Variants in NINL observed in about 807,000 individuals in gnomAD.
NINL encodes the protein ninein-like protein.
In NINL, 153 loss-of-function variants were observed where a neutral mutation model predicts 160.3. The ratio of observed to expected loss-of-function variants is 0.95; its 90% CI spans 0.84 to 1.09. NINL has a LOEUF of 1.09. NINL is among the 50% of genes least tolerant of loss of function. The pLI, the probability that NINL is intolerant of heterozygous loss-of-function variation, is 0.00. For synonymous variants in NINL, 800 were observed against 734.8 expected (o/e 1.09, Z -1.43); for missense variants, 1,829 against 1,764.0 (o/e 1.04, Z -0.66).
intron 1 of NINL, among the ~76,000 whole-genome samples, chr20:25,531,770 G>C (rs942587801): frequency 1.3e-5 from 2 of 152,176 alleles, no homozygotes; most frequent in African/African-American, 4.8e-5. Flanking sequence ...CAGACAGCGA[G>C]GCTTGGAGGA....
intron 13 of NINL, among the ~76,000 whole-genome samples, chr20:25,484,107 G>A (rs952793070): frequency 2.0e-5 from 3 of 152,144 alleles, no homozygotes; most frequent in African/African-American, 4.8e-5. Flanking sequence ...CAGCCCACAC[G>A]GCACATCATG....
chr20:25,518,553 C>T (rs2064204117), intron 2 of NINL, among the ~76,000 whole-genome samples: 2 of 151,996 alleles, frequency 1.3e-5, no homozygotes, highest in Admixed American at 6.6e-5. Context: ...TTTTTCATTC[C>T]AATTTTTAAT....
In NINL at chr20:25,577,711, T is replaced by G. The variant is rs192496596; in HGVS notation, c.-12+7744A>C. Among the ~76,000 whole-genome samples the G allele has an allele frequency of 4.1e-4, 63 of 152,290 alleles. No homozygotes were observed. In the East Asian group the frequency reaches 0.011, roughly 28 times the overall value. ...GTCCTCTTTGTGAATAGAGCTCCTGTGAGGTCCATCCTGGCGGGGGAGCCC... is the reference window on the plus strand; with the variant it reads ...GTCCTCTTTGTGAATAGAGCTCCTGGGAGGTCCATCCTGGCGGGGGAGCCC... On this transcript the variant is annotated intron_variant, in intron 1 of 23. Transcript: ENST00000278886.
At chr20:25,467,488 C>CGGTAT (rs2062944436) in intron 18 of NINL, 30 bp from the exon 19 acceptor site, 1 of 1,538,864 alleles carries the variant, frequency 6.5e-7, no homozygotes, top group African/African-American at 1.4e-5. Flanking sequence ...AACAGTGATA[C>CGGTAT]CACTTGTGAC....
At chr20:25,553,103 GGTTTTTT>G (rs1014592782) in intron 1 of NINL, among the ~76,000 whole-genome samples, 4 of 58,048 alleles carry the variant, frequency 6.9e-5, no homozygotes, top group Non-Finnish European at 1.4e-4. Flanking sequence ...ACCCTTGTTG[GGTTTTTT>G]TTTTTTTTTT....
At chr20:25,540,289 G>A (rs1299266249) in intron 1 of NINL, among the ~76,000 whole-genome samples, 1 of 152,132 alleles carries the variant, frequency 6.6e-6, no homozygotes, top group African/African-American at 2.4e-5. Flanking sequence ...CATAAACTTT[G>A]CCACCAAGTG....
At chr20:25,502,847 A>G (rs1418327194) in intron 7 of NINL, among the ~76,000 whole-genome samples, 1 of 152,240 alleles carries the variant, frequency 6.6e-6, no homozygotes, top group African/African-American at 2.4e-5. Flanking sequence ...GCAGCCGAGC[A>G]GACACTGGCA....
chr20:25,519,937 G>A (rs556186126), intron 2 of NINL, among the ~76,000 whole-genome samples: 40 of 135,856 alleles, frequency 2.9e-4, no homozygotes, highest in African/African-American at 9.6e-4. Context: ...CCAGGAGGTC[G>A]AGGCTACAGT....
intron 2 of NINL, among the ~76,000 whole-genome samples, chr20:25,525,946 T>C (rs402120): frequency 0.17 from 25,776 of 152,208 alleles, 4,763 homozygotes; most frequent in African/African-American, 0.46. Flanking sequence ...GGGTATCCTT[T>C]GTTCTTTCAA....
At chr20:25,583,991 G>C (rs1399155181) in intron 1 of NINL, among the ~76,000 whole-genome samples, 5 of 152,050 alleles carry the variant, frequency 3.3e-5, no homozygotes, top group Non-Finnish European at 7.4e-5. Flanking sequence ...GGGGCGGGTG[G>C]GGGGCAAGAG....
chr20:25,475,996 A>G (rs1601060320), intron 17 of NINL, 47 bp downstream of exon 17: 1 of 1,571,946 alleles, frequency 6.4e-7, no homozygotes, highest in South Asian at 1.2e-5. Context: ...TTAGTTCTGC[A>G]TTTTTAGTTT....
intron 1 of NINL, among the ~76,000 whole-genome samples, chr20:25,574,002 G>C (rs1048308030): frequency 6.6e-6 from 1 of 152,146 alleles, no homozygotes; most frequent in Admixed American, 6.5e-5. Context: ...AACCAATAAG[G>C]GAAAGAAACC....
chr20:25,557,075 AT>A, intron 1 of NINL, among the ~76,000 whole-genome samples: 1 of 152,264 alleles, frequency 6.6e-6, no homozygotes, highest in Middle Eastern at 3.4e-3. Context: ...CTCTGCATGT[AT>A]TTTATTTTAT....
Position 25,501,175 on chromosome 20 carries a change from C to G in NINL, c.862-165G>C, listed in dbSNP as rs563359280. On this transcript the variant is annotated intron_variant, in intron 7 of 23. Transcript: ENST00000278886. ...AGGGGTCAGAGGTGCAGCCCCATCA[C>G]ATGACCTCTCCAAGGTCACATGGCT... 6.6e-5 allele frequency among the ~76,000 whole-genome samples: 10 copies of G among 152,374 alleles called. No homozygotes were observed. The East Asian group carries it at 1.7e-3, about 26-fold the overall frequency.
intron 17 of NINL, among the ~76,000 whole-genome samples, chr20:25,475,271 CAAA>C (rs1271687613): frequency 6.6e-6 from 1 of 151,798 alleles, no homozygotes; most frequent in Non-Finnish European, 1.5e-5. Flanking sequence ...AAACAAAAAA[CAAA>C]AAAACCTCCT....
At chr20:25,536,762 C>CTT (rs1555874790) in intron 1 of NINL, among the ~76,000 whole-genome samples, 131 of 152,084 alleles carry the variant, frequency 8.6e-4, no homozygotes, top group Admixed American at 1.9e-3. Context: ...ACAACATCAG[C>CTT]CCATAAAGCC....
At chr20:25,511,996 A>G (rs746317325) in intron 4 of NINL, among the ~76,000 whole-genome samples, 4 of 152,280 alleles carry the variant, frequency 2.6e-5, no homozygotes, top group Non-Finnish European at 4.4e-5. Flanking sequence ...GTTCGACCCA[A>G]TCCATGATTA....
At chr20:25,522,978 C>T (rs924516506) in intron 2 of NINL, among the ~76,000 whole-genome samples, 3 of 152,104 alleles carry the variant, frequency 2.0e-5, no homozygotes, top group Admixed American at 2.0e-4. Flanking sequence ...GGATTGGTTC[C>T]GGGACCCTTG....
intron 1 of NINL, among the ~76,000 whole-genome samples, chr20:25,584,288 A>G (rs1341251010): frequency 6.6e-6 from 1 of 152,162 alleles, no homozygotes; most frequent in Non-Finnish European, 1.5e-5. Flanking sequence ...CCTGGCCAAC[A>G]TGGTGAAACC....
Sources: gnomAD v4.1 joint callset for allele counts (sites outside exome capture counted in the v4.1 genomes callset) on GRCh38, gnomAD v4.1.1 for gene constraint, MANE v1.5 for transcripts, NCBI Gene and HGNC (gene_info 2026-07-23, HGNC 2026-07-21) for gene names.